Variants in RNF128 observed in about 807,000 individuals in gnomAD.
RNF128 encodes the protein ring finger protein 128.
RNF128 carries 13 observed loss-of-function variants against 26.2 expected under a neutral mutation model. That is an observed-to-expected ratio of 0.50 (90% CI 0.32 to 0.79). The LOEUF (loss-of-function observed/expected upper bound fraction) is 0.79, where lower values mean the gene tolerates loss of function less well. Ranked by LOEUF, RNF128 falls within the 30% of genes least tolerant of loss-of-function variation. The pLI is 0.03. For synonymous variants in RNF128, 149 were observed against 142.5 expected, an observed-to-expected ratio of 1.05 and a Z score of -0.32; for missense variants, 315 against 349.7, an observed-to-expected ratio of 0.90 and a Z score of 0.79.
At chrX:106,693,953 G>A (rs1481619219) in exon 1 of RNF128, 3 of 1,079,320 alleles carry the variant, frequency 2.8e-6, no homozygotes, top group South Asian at 4.4e-5. Flanking sequence ...GTGACTGATA[G>A]TTGGAAATAT....
At chrX:106,727,798 G>T (rs967344948) in intron 1 of RNF128, among the ~76,000 whole-genome samples, 4 of 110,951 alleles carry the variant, frequency 3.6e-5, no homozygotes, top group African/African-American at 1.3e-4. Flanking sequence ...CCTCAGACTG[G>T]CAGCAGATTT....
intron 1 of RNF128, among the ~76,000 whole-genome samples, chrX:106,753,501 A>T (rs1929939828): frequency 9.0e-6 from 1 of 111,552 alleles, no homozygotes; most frequent in Non-Finnish European, 1.9e-5. Flanking sequence ...AAAACATACC[A>T]CCAGAGACAA....
intron 1 of RNF128, among the ~76,000 whole-genome samples, chrX:106,727,816 C>G (rs977657134): frequency 9.0e-6 from 1 of 111,006 alleles, no homozygotes; most frequent in African/African-American, 3.3e-5. Context: ...TTTTCCCCTC[C>G]TCTCCCTGTT....
intron 1 of RNF128, among the ~76,000 whole-genome samples, chrX:106,745,971 A>G (rs1929789177): frequency 9.0e-6 from 1 of 111,480 alleles, no homozygotes; most frequent in Non-Finnish European, 1.9e-5. Flanking sequence ...AAGCCTTTGA[A>G]AAGCTACTGT....
chrX:106,777,077 C>A (rs1930477364), intron 2 of RNF128, among the ~76,000 whole-genome samples: 2 of 111,320 alleles, frequency 1.8e-5, no homozygotes, highest in Admixed American at 1.9e-4. Context: ...TGTAACCAAA[C>A]CAAACTGTAT....
chrX:106,739,112 C>T (rs1929651208), intron 1 of RNF128, among the ~76,000 whole-genome samples: 2 of 109,904 alleles, frequency 1.8e-5, no homozygotes, highest in African/African-American at 3.4e-5. Context: ...ATTCTCTTCT[C>T]TTCTCTTCCT....
intron 1 of RNF128, among the ~76,000 whole-genome samples, chrX:106,718,789 C>G (rs193051134): frequency 1.3e-4 from 15 of 112,115 alleles, no homozygotes; most frequent in African/African-American, 4.5e-4. Flanking sequence ...AACCGTAACA[C>G]TTGTCTAATT....
At chrX:106,754,074 C>G (rs1291921363) in intron 1 of RNF128, among the ~76,000 whole-genome samples, 1 of 111,982 alleles carries the variant, frequency 8.9e-6, no homozygotes, top group African/African-American at 3.2e-5. Context: ...AAATATCACA[C>G]TTAATGTGCA....
rs979750076 is a variant in RNF128 at position 106,697,123 on chromosome X, T to G, written c.406+2715T>G. On this transcript the variant is annotated intron_variant, in intron 1 of 6. Transcript: ENST00000324342. ...AGGCTGCCAGTAAGTTGTAATTCTG[T>G]GTTTAGGTTTCTAAATAAACCTTTT... Among the ~76,000 whole-genome samples the G allele has an allele frequency of 8.1e-4, 91 of 112,080 alleles. 1 individual carries two copies. The highest frequency in any genetic ancestry group is 1.5e-3 in the Non-Finnish European group (81 of 53,194).
chrX:106,710,743 TGTC>T (rs1206824292), intron 1 of RNF128, among the ~76,000 whole-genome samples: 1 of 42,659 alleles, frequency 2.3e-5, no homozygotes, highest in African/African-American at 8.1e-5. Flanking sequence ...GACGAAAGTC[TGTC>T]AAAAAAAAAA....
At chrX:106,732,548 G>C (rs1399242444) in intron 1 of RNF128, among the ~76,000 whole-genome samples, 2 of 111,259 alleles carry the variant, frequency 1.8e-5, no homozygotes, top group South Asian at 3.8e-4. Context: ...ATTTATCAAA[G>C]GTCTGCTGTC....
At chrX:106,763,495 G>A (rs2147688494) in intron 1 of RNF128, among the ~76,000 whole-genome samples, 1 of 112,376 alleles carries the variant, frequency 8.9e-6, no homozygotes, top group Admixed American at 9.4e-5. Flanking sequence ...ACATGATTAG[G>A]AAGCCAATTC....
intron 1 of RNF128, among the ~76,000 whole-genome samples, chrX:106,743,664 G>T (rs1929740774): frequency 8.9e-6 from 1 of 112,243 alleles, no homozygotes; most frequent in African/African-American, 3.2e-5. Context: ...ATCTGAAAAT[G>T]CTATTGAGAC....
intron 2 of RNF128, among the ~76,000 whole-genome samples, chrX:106,781,190 A>T (rs1182431931): frequency 1.8e-5 from 2 of 112,074 alleles, no homozygotes; most frequent in African/African-American, 6.5e-5. Flanking sequence ...AGAAAGGCAC[A>T]TTAATAATAC....
intron 2 of RNF128, among the ~76,000 whole-genome samples, chrX:106,782,331 C>T (rs145269486): frequency 2.9e-4 from 32 of 112,166 alleles, no homozygotes; most frequent in African/African-American, 1.0e-3. Flanking sequence ...GCATTTTTCT[C>T]ATCTCGATGT....
rs112196376 is a variant in RNF128, at chrX:106,712,922, C to T, written c.406+18514C>T. Among the ~76,000 whole-genome samples the T allele has an allele frequency of 1.3e-3, 136 of 104,955 alleles. 1 individual carries two copies. The highest frequency in any genetic ancestry group is 4.5e-3 in the African/African-American group (128 of 28,479). 91.1% of individuals were successfully genotyped at this position (104,955 alleles called of 115,157 possible). A position where few individuals can be genotyped will look rare whatever the true frequency, so the allele number is the denominator to read the frequency against. On this transcript the variant is annotated intron_variant, in intron 1 of 6. Transcript: ENST00000324342. ...TGAGATGGAGTCTCACTCTGCGGCC[C>T]GGGCTGGAAGTGCAGTGGCGCTATC...
intron 1 of RNF128, among the ~76,000 whole-genome samples, chrX:106,764,894 AAAT>A (rs1930189231): frequency 8.9e-6 from 1 of 112,047 alleles, no homozygotes; most frequent in Non-Finnish European, 1.9e-5. Flanking sequence ...GAGAAAAGAC[AAAT>A]AATGTCTGTG....
chrX:106,792,746 C>T (rs186430268), intron 6 of RNF128, among the ~76,000 whole-genome samples: 119 of 111,463 alleles, frequency 1.1e-3, no homozygotes, highest in Admixed American at 1.9e-3. Flanking sequence ...TGTTGGCTTC[C>T]ATAGAACTTC....
In RNF128 at chrX:106,773,022, A is replaced by G. The variant is rs762503938; in HGVS notation, c.594A>G (p.Lys198=). 2.5e-6 allele frequency: 3 copies of G among 1,209,520 alleles called. No individual in the cohort carries two copies. The East Asian group carries it at 8.9e-5, about 36-fold the overall frequency. Residue 198 remains lysine (K), a synonymous_variant, in exon 2 of 7, where the codon AAA becomes AAG. Transcript: ENST00000255499. ...CAATGGTCATAGAAGTAGGGAAAAA[A>G]CATGGCCCTTGGGTGAATCACTATT... ...QVTMVIEVGK[K]HGPWVNHYSI... is the part of the protein sequence containing the mutation.
Sources: allele counts gnomAD v4.1 joint callset (sites outside exome capture counted in the v4.1 genomes callset), GRCh38; gene constraint gnomAD v4.1.1; transcripts MANE v1.5; gene names NCBI Gene and HGNC (gene_info 2026-07-23, HGNC 2026-07-21).